The following GRM8 variants were observed in gnomAD, a reference collection of about 807,000 sequenced individuals.
GRM8 encodes metabotropic glutamate receptor 8.
A neutral mutation model predicts 87.2 loss-of-function variants in GRM8; 47 were observed. That is an observed-to-expected ratio of 0.54 (90% CI 0.43 to 0.69). The LOEUF is 0.69. Ranked by LOEUF, GRM8 falls within the 30% of genes least tolerant of loss-of-function variation. GRM8 has a pLI of 0.00. For missense variants in GRM8, 1,019 were observed against 1,139.2 expected (o/e 0.89, Z 1.52); for synonymous variants, 396 against 404.5 (o/e 0.98, Z 0.25).
intron 3 of GRM8, among the ~76,000 whole-genome samples, chr7:126,919,848 C>T (rs1157222080): frequency 1.3e-5 from 2 of 152,122 alleles, no homozygotes; most frequent in African/African-American, 4.8e-5. Flanking sequence ...CTTTCAATTA[C>T]TTCCATCCTG....
chr7:126,624,864 C>G (rs374972406), intron 7 of GRM8, among the ~76,000 whole-genome samples: 8 of 152,234 alleles, frequency 5.3e-5, no homozygotes, highest in Admixed American at 2.6e-4. Context: ...CTTTGAGCAT[C>G]TGCATGTTAA....
intron 6 of GRM8, among the ~76,000 whole-genome samples, chr7:126,772,308 T>C (rs1438266531): frequency 6.6e-6 from 1 of 152,128 alleles, no homozygotes; most frequent in Admixed American, 6.6e-5. Flanking sequence ...ATAACAACTT[T>C]GAGGATCAGT....
intron 2 of GRM8, among the ~76,000 whole-genome samples, chr7:127,218,805 T>A (rs1796734332): frequency 6.6e-6 from 1 of 152,238 alleles, no homozygotes; most frequent in South Asian, 2.1e-4. Context: ...GCACATTATT[T>A]GAACTTGAAT....
At chr7:126,689,126 A>G (rs1292284138) in intron 7 of GRM8, among the ~76,000 whole-genome samples, 1 of 152,158 alleles carries the variant, frequency 6.6e-6, no homozygotes, top group African/African-American at 2.4e-5. Context: ...TTAATGTAAT[A>G]TAAACCCACT....
chr7:127,094,869 A>G (rs1424625522), intron 3 of GRM8, among the ~76,000 whole-genome samples: 3 of 152,228 alleles, frequency 2.0e-5, no homozygotes, highest in African/African-American at 7.2e-5. Flanking sequence ...GATTCAAACT[A>G]TCACTTGAGG....
intron 9 of GRM8, among the ~76,000 whole-genome samples, chr7:126,491,271 C>T (rs1005410085): frequency 6.6e-6 from 1 of 152,022 alleles, no homozygotes; most frequent in Non-Finnish European, 1.5e-5. Flanking sequence ...AGACCCTAGA[C>T]AATTTTCTCA....
chr7:127,167,956 A>G (rs1793555574), intron 2 of GRM8, among the ~76,000 whole-genome samples: 1 of 152,186 alleles, frequency 6.6e-6, no homozygotes. Flanking sequence ...ATGGGCAAAG[A>G]CTTCATGACT....
chr7:127,032,750 T>G (rs1036052220), intron 3 of GRM8, among the ~76,000 whole-genome samples: 1 of 152,186 alleles, frequency 6.6e-6, no homozygotes, highest in African/African-American at 2.4e-5. Flanking sequence ...AGTATGGATC[T>G]CTTCCAGATT....
At chr7:126,646,184 G>T (rs1281476703) in intron 7 of GRM8, among the ~76,000 whole-genome samples, 3 of 151,798 alleles carry the variant, frequency 2.0e-5, no homozygotes, top group Admixed American at 6.6e-5. Flanking sequence ...ATGCAGATTG[G>T]TTTACTTTAG....
At chr7:127,028,863 C>T (rs1409169062) in intron 3 of GRM8, among the ~76,000 whole-genome samples, 1 of 151,886 alleles carries the variant, frequency 6.6e-6, no homozygotes, top group African/African-American at 2.4e-5. Flanking sequence ...TTAGTTATTT[C>T]TTGTCTTCTG....
At chr7:126,617,225 C>T (rs949610581) in intron 7 of GRM8, among the ~76,000 whole-genome samples, 5 of 152,056 alleles carry the variant, frequency 3.3e-5, no homozygotes, top group East Asian at 1.9e-4. Flanking sequence ...GTTCAACATA[C>T]GAAAATCAAT....
chr7:126,586,490 C>A (rs1585132291), intron 8 of GRM8, among the ~76,000 whole-genome samples: 1 of 152,152 alleles, frequency 6.6e-6, no homozygotes, highest in South Asian at 2.1e-4. Flanking sequence ...AGATACAGAC[C>A]AATGGAACAG....
At chr7:127,202,700 G>A (rs1207322961) in intron 2 of GRM8, among the ~76,000 whole-genome samples, 1 of 151,956 alleles carries the variant, frequency 6.6e-6, no homozygotes, top group Non-Finnish European at 1.5e-5. Flanking sequence ...AGATGGGTGA[G>A]CCAGAATTTG....
chr7:126,901,276 C>T (rs749533911), intron 6 of GRM8, among the ~76,000 whole-genome samples: 8 of 152,170 alleles, frequency 5.3e-5, no homozygotes, highest in Non-Finnish European at 7.3e-5. Flanking sequence ...CCTCCTCTGG[C>T]GAGGCATACT....
At chr7:126,596,498 T>A (rs925598395) in intron 8 of GRM8, among the ~76,000 whole-genome samples, 4 of 152,096 alleles carry the variant, frequency 2.6e-5, no homozygotes, top group African/African-American at 9.7e-5. Flanking sequence ...CACTTATTGA[T>A]GGGGTTGTAT....
chr7:126,576,181 T>C (rs146626306), intron 8 of GRM8, among the ~76,000 whole-genome samples: 4 of 152,318 alleles, frequency 2.6e-5, no homozygotes, highest in Non-Finnish European at 5.9e-5. Flanking sequence ...GTGATTAAAA[T>C]ATTTCTTGAT....
intron 9 of GRM8, among the ~76,000 whole-genome samples, chr7:126,493,995 T>C (rs950400753): frequency 4.6e-5 from 7 of 152,002 alleles, no homozygotes; most frequent in Non-Finnish European, 8.8e-5. Context: ...TCTGCGGAGC[T>C]GCTTCCTCTC....
intron 9 of GRM8, among the ~76,000 whole-genome samples, chr7:126,496,296 G>A (rs572241179): frequency 6.6e-6 from 1 of 151,966 alleles, no homozygotes; most frequent in East Asian, 1.9e-4. Flanking sequence ...AGGAAAGAAG[G>A]AAAGGGAAGA....
At chr7:127,143,852 G>C (rs935286677) in intron 2 of GRM8, among the ~76,000 whole-genome samples, 5 of 152,106 alleles carry the variant, frequency 3.3e-5, no homozygotes, top group African/African-American at 1.2e-4. Context: ...ATTAAGTTTA[G>C]AACTGAAGAG....
Sources: allele counts gnomAD v4.1 joint callset (sites outside exome capture counted in the v4.1 genomes callset), GRCh38; gene constraint gnomAD v4.1.1; transcripts MANE v1.5; gene names NCBI Gene and HGNC (gene_info 2026-07-23, HGNC 2026-07-21).